The following CSMD3 variants were observed in gnomAD, a reference collection of about 807,000 sequenced individuals.
CSMD3 encodes CUB and sushi domain-containing protein 3.
Under a neutral mutation model 435.2 loss-of-function variants are expected in CSMD3, and 177 were observed. That is an observed-to-expected ratio of 0.41 (90% CI 0.36 to 0.46). The LOEUF (loss-of-function observed/expected upper bound fraction) is 0.46. Ranked by LOEUF, CSMD3 falls within the 20% of genes least tolerant of loss-of-function variation. The pLI, the probability that CSMD3 is intolerant of heterozygous loss-of-function variation, is 0.34. For missense variants in CSMD3, 4,265 were observed against 4,504.6 expected (o/e 0.95, Z 1.52); for synonymous variants, 1,656 against 1,520.5 (o/e 1.09, Z -2.07).
At chr8:112,956,954 G>C (rs1454766546) in intron 7 of CSMD3, among the ~76,000 whole-genome samples, 1 of 151,940 alleles carries the variant, frequency 6.6e-6, no homozygotes, top group Non-Finnish European at 1.5e-5. Flanking sequence ...ACATGACAAA[G>C]TGTGAATTAA....
chr8:113,368,269 G>T (rs1054173733), intron 1 of CSMD3, among the ~76,000 whole-genome samples: 5 of 152,046 alleles, frequency 3.3e-5, no homozygotes. Flanking sequence ...ACTCCCATGC[G>T]ATGTCAACCT....
intron 1 of CSMD3, among the ~76,000 whole-genome samples, chr8:113,318,786 ATGTGTGTG>A (rs56269027): frequency 0.23 from 31,767 of 140,050 alleles, 4,136 homozygotes; most frequent in East Asian, 0.61. Flanking sequence ...GCTGAATAAG[ATGTGTGTG>A]TGTGTGTGTG....
At chr8:113,396,659 T>C (rs2133181216) in intron 1 of CSMD3, among the ~76,000 whole-genome samples, 1 of 152,302 alleles carries the variant, frequency 6.6e-6, no homozygotes, top group East Asian at 1.9e-4. Flanking sequence ...TTTGAGTAAA[T>C]GTTTTAAACA....
intron 32 of CSMD3, among the ~76,000 whole-genome samples, chr8:112,418,832 C>G (rs1812180158): frequency 6.6e-6 from 1 of 152,106 alleles, no homozygotes; most frequent in South Asian, 2.1e-4. Flanking sequence ...TTTTTTGGTG[C>G]TGAAATGACT....
At chr8:113,364,057 C>A (rs898076498) in intron 1 of CSMD3, among the ~76,000 whole-genome samples, 1 of 151,980 alleles carries the variant, frequency 6.6e-6, no homozygotes, top group African/African-American at 2.4e-5. Context: ...TATGTAAGGT[C>A]TATGTCTAAA....
intron 9 of CSMD3, among the ~76,000 whole-genome samples, chr8:112,943,570 C>G (rs1254288009): frequency 6.6e-6 from 1 of 151,646 alleles, no homozygotes; most frequent in Non-Finnish European, 1.5e-5. Flanking sequence ...AAAGATATAA[C>G]TTTTAATTTA....
intron 27 of CSMD3, among the ~76,000 whole-genome samples, chr8:112,521,822 T>A (rs2131016169): frequency 6.6e-6 from 1 of 151,886 alleles, no homozygotes; most frequent in Non-Finnish European, 1.5e-5. Context: ...ATTTAGAAAG[T>A]AAAAATGTAA....
intron 13 of CSMD3, among the ~76,000 whole-genome samples, chr8:112,710,338 A>C (rs905279051): frequency 6.6e-6 from 1 of 152,090 alleles, no homozygotes; most frequent in Non-Finnish European, 1.5e-5. Context: ...TGGCTATTTA[A>C]AAGGGTAACA....
At chr8:112,899,037 G>A (rs1349011727) in intron 10 of CSMD3, among the ~76,000 whole-genome samples, 1 of 151,226 alleles carries the variant, frequency 6.6e-6, no homozygotes, top group African/African-American at 2.4e-5. Flanking sequence ...TAAGATCAAT[G>A]AGCTTAATTT....
chr8:112,791,183 C>G (rs1193783235), intron 13 of CSMD3, among the ~76,000 whole-genome samples: 2 of 151,860 alleles, frequency 1.3e-5, no homozygotes, highest in African/African-American at 2.4e-5. Context: ...ATTAGCCATG[C>G]ATGGTGGCAC....
At chr8:113,022,542 C>T (rs1315536026) in intron 5 of CSMD3, among the ~76,000 whole-genome samples, 1 of 151,492 alleles carries the variant, frequency 6.6e-6, no homozygotes, top group African/African-American at 2.4e-5. Flanking sequence ...ACAAAAAACC[C>T]AGTAACATGA....
intron 5 of CSMD3, among the ~76,000 whole-genome samples, chr8:113,039,199 C>A (rs1030704938): frequency 1.3e-5 from 2 of 151,718 alleles, no homozygotes; most frequent in Non-Finnish European, 2.9e-5. Flanking sequence ...AAAAATTAAC[C>A]ATGTTGTATT....
chr8:112,551,327 G>C (rs1219084343), intron 26 of CSMD3, among the ~76,000 whole-genome samples: 1 of 151,998 alleles, frequency 6.6e-6, no homozygotes, highest in African/African-American at 2.4e-5. Context: ...CCAAAGAGTG[G>C]CATAGTCAAA....
At chr8:112,460,628 T>G (rs548416568) in intron 32 of CSMD3, among the ~76,000 whole-genome samples, 6 of 152,242 alleles carry the variant, frequency 3.9e-5, no homozygotes, top group Admixed American at 2.6e-4. Context: ...GATTTTAATT[T>G]GAATTTTAAT....
At chr8:112,823,350 G>A (rs936898062) in intron 12 of CSMD3, among the ~76,000 whole-genome samples, 2 of 152,006 alleles carry the variant, frequency 1.3e-5, no homozygotes, top group African/African-American at 4.8e-5. Context: ...ATTTCTTACT[G>A]GTTTAGTCTT....
At chr8:113,355,599 C>A (rs1307811832) in intron 1 of CSMD3, among the ~76,000 whole-genome samples, 1 of 151,302 alleles carries the variant, frequency 6.6e-6, no homozygotes, top group Non-Finnish European at 1.5e-5. Flanking sequence ...CTGGTACCAT[C>A]ACATTGAGGA....
chr8:112,885,039 T>C (rs1047386725), intron 10 of CSMD3, among the ~76,000 whole-genome samples: 1 of 151,762 alleles, frequency 6.6e-6, no homozygotes, highest in African/African-American at 2.4e-5. Flanking sequence ...TCATTTTGTT[T>C]ATCTCTAAAA....
intron 63 of CSMD3, among the ~76,000 whole-genome samples, chr8:112,249,474 C>T (rs7003084): frequency 0.011 from 1,743 of 151,780 alleles, 41 homozygotes; most frequent in African/African-American, 0.04. Flanking sequence ...CGGTTAGGCG[C>T]TACACTTTGA....
chr8:113,138,307 A>G (rs1231972890), intron 4 of CSMD3, among the ~76,000 whole-genome samples: 1 of 151,504 alleles, frequency 6.6e-6, no homozygotes, highest in Non-Finnish European at 1.5e-5. Flanking sequence ...AACTAAAAAA[A>G]TTGAATTTTT....
Sources: allele counts gnomAD v4.1 joint callset (sites outside exome capture counted in the v4.1 genomes callset), GRCh38; gene constraint gnomAD v4.1.1; transcripts MANE v1.5; gene names NCBI Gene and HGNC (gene_info 2026-07-23, HGNC 2026-07-21).